Variants in LRRK1 observed in about 807,000 individuals in gnomAD.
The protein encoded by LRRK1 is leucine rich repeat kinase 1.
Under a neutral mutation model 209.1 loss-of-function variants are expected in LRRK1, and 113 were observed. The ratio of observed to expected loss-of-function variants is 0.54; its 90% CI spans 0.46 to 0.63. LRRK1 has a LOEUF of 0.63. LRRK1 is among the 30% of genes least tolerant of loss of function. LRRK1 has a pLI of 0.00. For missense variants in LRRK1, 2,284 were observed against 2,632.2 expected, an observed-to-expected ratio of 0.87 and a Z score of 2.89; for synonymous variants, 1,144 against 1,099.7, an observed-to-expected ratio of 1.04 and a Z score of -0.80.
At chr15:100,946,335 T>C (rs1448705311) in intron 2 of LRRK1, among the ~76,000 whole-genome samples, 1 of 152,034 alleles carries the variant, frequency 6.6e-6, no homozygotes. Flanking sequence ...AGGAGATTAG[T>C]TGCAGCGTAT....
At chr15:100,992,208 A>C (rs1227863788) in intron 6 of LRRK1, among the ~76,000 whole-genome samples, 1 of 152,154 alleles carries the variant, frequency 6.6e-6, no homozygotes, top group African/African-American at 2.4e-5. Flanking sequence ...TTTCCATCTT[A>C]TTATTATCTG....
chr15:101,066,703 C>T lies in LRRK1; in HGVS notation c.5832C>T (p.Val1944=). ...ATTCTGGCGCCCAGCGGGGCCGAGTCATTGCCGTCTTAAAAGCCCGAGAGC... is the reference window on the plus strand; with the variant it reads ...ATTCTGGCGCCCAGCGGGGCCGAGTTATTGCCGTCTTAAAAGCCCGAGAGC... ...EKDSGAQRGR[V]IAVLKARELT... is the part of the protein sequence containing the mutation. Residue 1944 remains valine (V), a synonymous_variant, in exon 33 of 34, where the codon GTC becomes GTT. Coordinates refer to ENST00000388948, the MANE Select transcript of LRRK1 (RefSeq NM_024652.6). 6.2e-7 allele frequency: 1 copy of T among 1,614,178 alleles called. No individual in the cohort carries two copies. The highest frequency in any genetic ancestry group is 8.5e-7 in the Non-Finnish European group (1 of 1,180,020).
chr15:101,005,028 T>C (rs1443436623), intron 6 of LRRK1, among the ~76,000 whole-genome samples: 1 of 152,080 alleles, frequency 6.6e-6, no homozygotes, highest in Non-Finnish European at 1.5e-5. Flanking sequence ...CCATTTCAGT[T>C]TGGGTACCAA....
intron 6 of LRRK1, among the ~76,000 whole-genome samples, chr15:101,008,083 CA>C (rs2033047322): frequency 7.6e-6 from 1 of 131,936 alleles, no homozygotes; most frequent in Non-Finnish European, 1.5e-5. Context: ...GCGGCGGTTG[CA>C]GTGAGCCGAG....
At chr15:100,993,398 A>G (rs755703754) in intron 6 of LRRK1, among the ~76,000 whole-genome samples, 4 of 152,206 alleles carry the variant, frequency 2.6e-5, no homozygotes, top group Non-Finnish European at 4.4e-5. Context: ...ACAAGTACAT[A>G]TATTTATTTC....
chr15:101,067,403 GAA>G (rs1159618255), intron 33 of LRRK1: 4 of 422,114 alleles, frequency 9.5e-6, no homozygotes, highest in Admixed American at 7.3e-5. Context: ...TCTCCCCTAC[GAA>G]AAGTCCTCAG....
chr15:101,003,917 A>C (rs950452621), intron 6 of LRRK1, among the ~76,000 whole-genome samples: 1 of 152,102 alleles, frequency 6.6e-6, no homozygotes, highest in African/African-American at 2.4e-5. Flanking sequence ...CTGCAGCCCC[A>C]GAGCACCCCA....
intron 2 of LRRK1, among the ~76,000 whole-genome samples, chr15:100,931,337 G>A (rs987239756): frequency 3.3e-5 from 5 of 152,184 alleles, no homozygotes; most frequent in Non-Finnish European, 7.3e-5. Flanking sequence ...CTACCTGGTC[G>A]TTTCAGGAGA....
chr15:101,060,093 C>T (rs577287156), intron 29 of LRRK1, among the ~76,000 whole-genome samples: 4 of 152,108 alleles, frequency 2.6e-5, no homozygotes, highest in Non-Finnish European at 5.9e-5. Context: ...AAACTCACTG[C>T]GGCCTGAAGA....
chr15:100,951,892 C>T (rs919433556), intron 2 of LRRK1, among the ~76,000 whole-genome samples: 1 of 150,662 alleles, frequency 6.6e-6, no homozygotes, highest in African/African-American at 2.4e-5. Flanking sequence ...GCAGAGGTTG[C>T]AAGTGAGCTG....
At chr15:101,059,722 C>A (rs115700701) in intron 29 of LRRK1, among the ~76,000 whole-genome samples, 2 of 152,166 alleles carry the variant, frequency 1.3e-5, no homozygotes, top group African/African-American at 4.8e-5. Flanking sequence ...CAGTTCTGCT[C>A]ACTGAAAAGG....
At chr15:101,033,067 T>C (rs1004540878) in intron 20 of LRRK1, among the ~76,000 whole-genome samples, 2 of 152,196 alleles carry the variant, frequency 1.3e-5, no homozygotes, top group Non-Finnish European at 2.9e-5. Flanking sequence ...TCATGCTGCC[T>C]CTGAAGGCTC....
Position 101,070,327 on chromosome 15 carries a change from T to C in LRRK1, c.*1479T>C, listed in dbSNP as rs1458797060. ...CCCACTCTTTTTTTTTTTTTTTTTT[T>C]TTTTTTTACCAACCTGGGCACCAAG... On this transcript the variant is annotated 3_prime_UTR_variant, in exon 34 of 34. Transcript: ENST00000388948. The C allele has an allele frequency of 1.3e-5, 2 of 148,550 alleles. No homozygotes were observed. The highest frequency in any genetic ancestry group is 3.0e-5 in the Non-Finnish European group (2 of 66,880). The allele number at this position is 148,550 out of a possible 1,614,324, so 9.2% of individuals were successfully genotyped here. A position where few individuals can be genotyped will look rare whatever the true frequency, so the allele number is the denominator to read the frequency against.
At chr15:100,950,792 C>CA (rs1291862959) in intron 2 of LRRK1, among the ~76,000 whole-genome samples, 1 of 152,178 alleles carries the variant, frequency 6.6e-6, no homozygotes, top group Non-Finnish European at 1.5e-5. Flanking sequence ...AATTCAGCAA[C>CA]AAAAAAACAA....
At chr15:100,924,478 AG>A (rs1180682533) in intron 1 of LRRK1, 32 bp from the exon 2 acceptor site, 25 of 621,040 alleles carry the variant, frequency 4.0e-5, no homozygotes, top group African/African-American at 3.7e-4. Context: ...GGAATTATAA[AG>A]GCTTTCTGTT....
chr15:101,066,952 G>C (rs1156331305), intron 33 of LRRK1, among the ~76,000 whole-genome samples: 1 of 152,240 alleles, frequency 6.6e-6, no homozygotes, highest in Non-Finnish European at 1.5e-5. Context: ...TGTTTCTGGA[G>C]TACCCAGTGC....
rs199919214 is a variant in LRRK1 at position 101,024,896 on chromosome 15, G to T, written c.2161G>T (p.Val721Leu). The change falls in exon 16 of 34, where the codon GTG becomes TTG. Residue 721 changes from valine to leucine, a missense_variant. Val to Leu is a conservative substitution (Grantham distance 32). Around this residue, in one of 6 missense-constraint regions of LRRK1, gnomAD observed 780 missense variants for 985.2 expected, o/e 0.79. Transcript: ENST00000388948. The surrounding 1 kb of genome is among the most constrained non-coding windows in gnomAD (Gnocchi z 4.6). ...QCFFTDKALY[V>L]VVWNLALGEE... ...CTTCTTCACGGACAAGGCCCTGTAC[G>T]TGGTGGTCTGGAACCTGGCGCTGGG... 1.2e-6 allele frequency: 2 copies of T among 1,614,140 alleles called. No individual in the cohort carries two copies. The highest frequency in any genetic ancestry group is 1.7e-5 in the Admixed American group (1 of 60,026).
At position 100,924,652 on chromosome 15, in the gene LRRK1, G is replaced by A; in HGVS notation, c.20G>A (p.Arg7Lys). 4 of 1,614,164 alleles carry A rather than the reference G, an allele frequency of 2.5e-6. No homozygotes were observed. The South Asian group carries it at 4.4e-5, about 18-fold the overall frequency. Reference protein sequence around the residue: MAGMSQRPPSMYWCVGP... With the variant: MAGMSQKPPSMYWCVGP... ...GGGTTGATGGCTGGCATGTCGCAAA[G>A]ACCCCCCAGCATGTACTGGTGTGTG... The change falls in exon 2 of 34, where the codon AGA becomes AAA. Residue 7 changes from arginine (R) to lysine (K), a missense_variant. By Grantham distance (26) the Arg-to-Lys change is conservative (BLOSUM62 2). This residue lies in a region of LRRK1 where 174 missense variants were observed against 133.5 expected (regional missense o/e 1.30). Coordinates refer to ENST00000388948, the MANE Select transcript of LRRK1 (RefSeq NM_024652.6).
At chr15:100,972,244 T>C (rs1023770989) in intron 2 of LRRK1, among the ~76,000 whole-genome samples, 1 of 151,620 alleles carries the variant, frequency 6.6e-6, no homozygotes, top group Non-Finnish European at 1.5e-5. Flanking sequence ...ATTACAGGCA[T>C]AAGCCACCAC....
Sources: allele counts gnomAD v4.1 joint callset (sites outside exome capture counted in the v4.1 genomes callset), GRCh38; gene constraint gnomAD v4.1.1; regional missense constraint gnomAD v4.1.1; non-coding constraint Gnocchi (gnomAD v3.1); transcripts MANE v1.5; gene names NCBI Gene and HGNC (gene_info 2026-07-23, HGNC 2026-07-21).